TP53BP2: variants seen among roughly 807,000 people sequenced by gnomAD.
TP53BP2 encodes tumor protein p53 binding protein 2.
A neutral mutation model predicts 126.2 loss-of-function variants in TP53BP2; 62 were observed. The observed-to-expected ratio is 0.49, with a 90% CI of 0.40 to 0.61. The LOEUF (loss-of-function observed/expected upper bound fraction) is 0.61, where lower values mean the gene tolerates loss of function less well. Ranked by LOEUF, TP53BP2 falls within the 20% of genes least tolerant of loss-of-function variation. TP53BP2 has a pLI of 0.00. For missense variants in TP53BP2, 1,215 were observed against 1,402.8 expected, an observed-to-expected ratio of 0.87 and a Z score of 2.14; for synonymous variants, 485 against 502.9, an observed-to-expected ratio of 0.96 and a Z score of 0.48.
At chr1:223,821,037 A>C in intron 2 of TP53BP2, 183 bp downstream of exon 2, 1 of 726,026 alleles carries the variant, frequency 1.4e-6, no homozygotes, top group Non-Finnish European at 2.2e-6. Flanking sequence ...ATTGGAGAAA[A>C]AGAAAACCGA....
chr1:223,785,253 A>G (rs1661912742), intron 16 of TP53BP2, among the ~76,000 whole-genome samples: 1 of 152,244 alleles, frequency 6.6e-6, no homozygotes, highest in African/African-American at 2.4e-5. Context: ...GCACTACACT[A>G]TTGATTATGA....
intron 1 of TP53BP2, among the ~76,000 whole-genome samples, chr1:223,840,219 C>T (rs1003187233): frequency 2.0e-5 from 3 of 152,064 alleles, no homozygotes; most frequent in Admixed American, 6.6e-5. Flanking sequence ...ATAAAGGATC[C>T]CCGAATGACC....
intron 2 of TP53BP2, among the ~76,000 whole-genome samples, chr1:223,816,974 A>G (rs1318630800): frequency 6.6e-6 from 1 of 151,618 alleles, no homozygotes; most frequent in Non-Finnish European, 1.5e-5. Flanking sequence ...AGCCTAGGCA[A>G]CATAGCAAAA....
chr1:223,785,157 AATT>A (rs985258049), intron 16 of TP53BP2, among the ~76,000 whole-genome samples: 27 of 152,366 alleles, frequency 1.8e-4, no homozygotes, highest in Admixed American at 1.5e-3. Flanking sequence ...AGCAATTCAG[AATT>A]ATTATTTTCA....
At chr1:223,805,060 T>C (rs913447733) in intron 5 of TP53BP2, among the ~76,000 whole-genome samples, 1 of 152,224 alleles carries the variant, frequency 6.6e-6, no homozygotes, top group Non-Finnish European at 1.5e-5. Flanking sequence ...TTTTATTACA[T>C]TAAAATTTTT....
At chr1:223,821,562 G>C in intron 1 of TP53BP2, 195 bp from the exon 2 acceptor site, 1 of 753,964 alleles carries the variant, frequency 1.3e-6, no homozygotes, top group Non-Finnish European at 2.4e-6. Flanking sequence ...CTACCATGGG[G>C]CAGTAGCTCT....
chr1:223,789,893 T>C (rs1205153294), intron 15 of TP53BP2, among the ~76,000 whole-genome samples: 1 of 152,156 alleles, frequency 6.6e-6, no homozygotes, highest in African/African-American at 2.4e-5. Flanking sequence ...AACTCAGAAG[T>C]TGAGTGTGAA....
chr1:223,811,955 C>A (rs1662921775), intron 3 of TP53BP2, among the ~76,000 whole-genome samples: 1 of 148,066 alleles, frequency 6.8e-6, no homozygotes, highest in African/African-American at 2.5e-5. Flanking sequence ...TACTATACAG[C>A]AAGATATTTG....
chr1:223,811,244 T>G (rs1662898529), intron 3 of TP53BP2, among the ~76,000 whole-genome samples: 1 of 152,054 alleles, frequency 6.6e-6, no homozygotes, highest in South Asian at 2.1e-4. Flanking sequence ...AAGAAGCAAA[T>G]AATACCAACA....
chr1:223,833,632 A>G (rs1374740354), intron 1 of TP53BP2, among the ~76,000 whole-genome samples: 1 of 152,216 alleles, frequency 6.6e-6, no homozygotes, highest in Non-Finnish European at 1.5e-5. Context: ...TGAATAGGTA[A>G]CAGGGACCTC....
At chr1:223,830,939 T>C (rs1295647125) in intron 1 of TP53BP2, among the ~76,000 whole-genome samples, 1 of 151,760 alleles carries the variant, frequency 6.6e-6, no homozygotes, top group Non-Finnish European at 1.5e-5. Context: ...CTACTAAAAA[T>C]ACAAAAAAAT....
chr1:223,797,914 A>G (rs1662388382), intron 12 of TP53BP2, among the ~76,000 whole-genome samples: 1 of 152,118 alleles, frequency 6.6e-6, no homozygotes, highest in African/African-American at 2.4e-5. Flanking sequence ...GTCAACCTAC[A>G]GTGAAGACAC....
In TP53BP2 at chr1:223,844,228, T is replaced by C. The variant is rs1289835003; in HGVS notation, c.27+1426A>G. Among the ~76,000 whole-genome samples the C allele has an allele frequency of 2.0e-5, 3 of 152,300 alleles. No homozygotes were observed. In the East Asian group the frequency reaches 5.8e-4, roughly 29 times the overall value. On this transcript the variant is annotated intron_variant, in intron 1 of 17. Coordinates refer to ENST00000343537, the MANE Select transcript of TP53BP2 (RefSeq NM_001031685.3). ...AGAAAGGCAATCAGAAGAACCATACTGCTAAATTGAATATAGTCTCAAGAG... is the reference window on the plus strand; with the variant it reads ...AGAAAGGCAATCAGAAGAACCATACCGCTAAATTGAATATAGTCTCAAGAG...
chr1:223,781,659 A>G (rs986976332), intron 17 of TP53BP2, among the ~76,000 whole-genome samples: 2 of 152,194 alleles, frequency 1.3e-5, no homozygotes, highest in African/African-American at 2.4e-5. Flanking sequence ...ATAATTTTAA[A>G]AAGAGTCAGA....
intron 3 of TP53BP2, among the ~76,000 whole-genome samples, chr1:223,813,700 G>T (rs1332186971): frequency 2.6e-5 from 4 of 152,050 alleles, no homozygotes; most frequent in Non-Finnish European, 4.4e-5. Flanking sequence ...ATCATGTATG[G>T]TCTCATGGTC....
At position 223,780,811 on chromosome 1, in the gene TP53BP2, C is replaced by T; in HGVS notation, c.*42G>A. ...AAATAATCGTATTACTTCTTCTTAA[C>T]AGAGATTAATTCTTCATTGACTAAA... On this transcript the variant is annotated 3_prime_UTR_variant, in exon 18 of 18. Coordinates refer to ENST00000343537, the MANE Select transcript of TP53BP2 (RefSeq NM_001031685.3). 6.3e-7 allele frequency: 1 copy of T among 1,599,602 alleles called. No homozygotes were observed. Among genetic ancestry groups the T allele is most frequent in the Non-Finnish European group, 8.5e-7 (1 of 1,173,470 alleles).
At chr1:223,804,949 G>A (rs1331003465) in intron 5 of TP53BP2, among the ~76,000 whole-genome samples, 2 of 152,142 alleles carry the variant, frequency 1.3e-5, no homozygotes, top group Non-Finnish European at 2.9e-5. Flanking sequence ...ACTGAAAAGA[G>A]CTAAAGAAAT....
intron 17 of TP53BP2, among the ~76,000 whole-genome samples, chr1:223,782,614 C>G (rs1396777269): frequency 2.0e-5 from 3 of 152,126 alleles, no homozygotes; most frequent in Non-Finnish European, 2.9e-5. Context: ...TCCCGAGTAG[C>G]TGGGATTATA....
At chr1:223,784,801 C>T (rs1165698103) in intron 16 of TP53BP2, among the ~76,000 whole-genome samples, 1 of 151,990 alleles carries the variant, frequency 6.6e-6, no homozygotes, top group African/African-American at 2.4e-5. Context: ...TATGAATTTC[C>T]GAATGGGGAA....
Sources: gnomAD v4.1 joint callset for allele counts (sites outside exome capture counted in the v4.1 genomes callset) on GRCh38, gnomAD v4.1.1 for gene constraint, MANE v1.5 for transcripts, NCBI Gene and HGNC (gene_info 2026-07-23, HGNC 2026-07-21) for gene names.